The following PDE1A variants were observed in gnomAD, a reference collection of about 807,000 sequenced individuals.
The protein encoded by PDE1A is dual specificity calcium/calmodulin-dependent 3',5'-cyclic nucleotide phosphodiesterase 1A.
In PDE1A, 35 loss-of-function variants were observed where a neutral mutation model predicts 61.7. The ratio of observed to expected loss-of-function variants is 0.57; its 90% CI spans 0.43 to 0.75. PDE1A has a LOEUF of 0.75. PDE1A is among the 30% of genes least tolerant of loss of function. The pLI is 0.00. For synonymous variants in PDE1A, 232 were observed against 213.2 expected (o/e 1.09, Z -0.77); for missense variants, 597 against 630.6 (o/e 0.95, Z 0.57).
intron 1 of PDE1A, among the ~76,000 whole-genome samples, chr2:182,424,300 C>T (rs572462934): frequency 6.6e-6 from 1 of 152,178 alleles, no homozygotes; most frequent in Non-Finnish European, 1.5e-5. Context: ...AGCCAAGATA[C>T]TATTTTCATA....
At position 182,366,831 on chromosome 2, in the gene PDE1A, C is replaced by T. The variant is rs1273424779; in HGVS notation, c.53+59747G>A. ...TGTTTTGACTAGTGGGCTTGGCAGT[C>T]GTGGCTAATGTGGAACAATAAGAGC... is the stretch of plus-strand genomic sequence containing the variant. On this transcript the variant is annotated intron_variant, in intron 1 of 13. Transcript: ENST00000351439. Among the ~76,000 whole-genome samples, 6 of 152,018 alleles carry T rather than the reference C, an allele frequency of 3.9e-5. No individual in the cohort carries two copies. The East Asian group carries it at 7.7e-4, about 20-fold the overall frequency.
chr2:182,679,185 A>ATTT, the PDE1A span, among the ~76,000 whole-genome samples: 1,121 of 140,876 alleles, frequency 8.0e-3, 19 homozygotes, highest in African/African-American at 0.03. Flanking sequence ...TATTATTATT[A>ATTT]TTATTATTTT....
At chr2:182,642,127 T>C in the PDE1A span, among the ~76,000 whole-genome samples, 1 of 152,238 alleles carries the variant, frequency 6.6e-6, no homozygotes, top group Non-Finnish European at 1.5e-5. Flanking sequence ...TATGGAATCC[T>C]GCAAATTATT....
intron 13 of PDE1A, among the ~76,000 whole-genome samples, chr2:182,153,256 C>T (rs927910809): frequency 2.6e-5 from 4 of 152,136 alleles, no homozygotes; most frequent in African/African-American, 9.7e-5. Flanking sequence ...TCAGCTGGCT[C>T]CTTGAAAGAG....
chr2:182,715,929 A>T, the PDE1A span: 1 of 152,182 alleles, frequency 6.6e-6, no homozygotes, highest in Non-Finnish European at 1.5e-5. Context: ...AAAGACTCTC[A>T]GGGAACTCAA....
the PDE1A span, among the ~76,000 whole-genome samples, chr2:182,582,686 G>T: frequency 4.6e-5 from 7 of 152,140 alleles, no homozygotes; most frequent in African/African-American, 1.7e-4. Flanking sequence ...TGGGGCTAAG[G>T]TCTATATTAC....
chr2:182,618,862 T>G, the PDE1A span, among the ~76,000 whole-genome samples: 1 of 152,254 alleles, frequency 6.6e-6, no homozygotes, highest in East Asian at 1.9e-4. Flanking sequence ...ATGAATGTCC[T>G]ACAAAGAGAA....
chr2:182,288,700 C>A (rs185616390), intron 1 of PDE1A, among the ~76,000 whole-genome samples: 34 of 152,108 alleles, frequency 2.2e-4, no homozygotes, highest in African/African-American at 7.7e-4. Flanking sequence ...CCATGTCAGA[C>A]GTGTTATCCA....
intron 1 of PDE1A, among the ~76,000 whole-genome samples, chr2:182,286,056 A>G (rs1694139029): frequency 6.6e-6 from 1 of 152,174 alleles, no homozygotes; most frequent in Non-Finnish European, 1.5e-5. Context: ...GAAGTAATAT[A>G]TGTGAAGTGC....
the PDE1A span, among the ~76,000 whole-genome samples, chr2:182,624,370 A>G: frequency 1.3e-5 from 2 of 152,226 alleles, 1 homozygote; most frequent in South Asian, 4.1e-4. Context: ...AAGCCACCGC[A>G]TTTGTTAGCC....
intron 1 of PDE1A, among the ~76,000 whole-genome samples, chr2:182,386,261 C>T (rs540231809): frequency 7.2e-5 from 11 of 152,126 alleles, no homozygotes; most frequent in South Asian, 2.1e-4. Flanking sequence ...TCTGCCCAGC[C>T]GCCACCCCGT....
chr2:182,315,220 T>G (rs1459322153), intron 1 of PDE1A, among the ~76,000 whole-genome samples: 1 of 152,208 alleles, frequency 6.6e-6, no homozygotes, highest in Non-Finnish European at 1.5e-5. Context: ...TTTATATGCA[T>G]GTGGTCTCTC....
chr2:182,438,829 C>G (rs541710429), intron 2 of PDE1A, among the ~76,000 whole-genome samples: 50 of 152,084 alleles, frequency 3.3e-4, no homozygotes, highest in Admixed American at 3.9e-4. Context: ...GGGCTACTAT[C>G]AGAGAAATGA....
chr2:182,370,840 T>C (rs564179964), intron 1 of PDE1A, among the ~76,000 whole-genome samples: 108 of 152,284 alleles, frequency 7.1e-4, no homozygotes, highest in African/African-American at 2.4e-3. Flanking sequence ...TAGGAGTTCG[T>C]TGAATGCATT....
intron 2 of PDE1A, among the ~76,000 whole-genome samples, chr2:182,520,437 A>T (rs2125988490): frequency 6.6e-6 from 1 of 152,050 alleles, no homozygotes; most frequent in South Asian, 2.1e-4. Flanking sequence ...TAGTGGCTCT[A>T]AATAAACACA....
chr2:182,689,904 C>T, the PDE1A span, among the ~76,000 whole-genome samples: 1 of 152,172 alleles, frequency 6.6e-6, no homozygotes, highest in Non-Finnish European at 1.5e-5. Context: ...ATAAACACCT[C>T]TATGCAAATA....
chr2:182,563,177 T>C, the PDE1A span, among the ~76,000 whole-genome samples: 1 of 152,212 alleles, frequency 6.6e-6, no homozygotes, highest in African/African-American at 2.4e-5. Context: ...TTTCCTGCTT[T>C]CTCTTGTGGG....
intron 11 of PDE1A, among the ~76,000 whole-genome samples, chr2:182,187,691 T>C (rs1298818678): frequency 2.6e-5 from 4 of 151,902 alleles, no homozygotes; most frequent in African/African-American, 9.7e-5. Flanking sequence ...TCAGTGTTAA[T>C]TGACCACCTA....
intron 10 of PDE1A, 124 bp from the exon 11 acceptor site, chr2:182,189,184 ATT>A: frequency 1.7e-6 from 1 of 571,892 alleles, no homozygotes; most frequent in Middle Eastern, 3.0e-4. Flanking sequence ...CTTTTTTCTT[ATT>A]TATAAAACCA....
Sources: gnomAD v4.1 joint callset for allele counts (sites outside exome capture counted in the v4.1 genomes callset) on GRCh38, gnomAD v4.1.1 for gene constraint, MANE v1.5 for transcripts, NCBI Gene and HGNC (gene_info 2026-07-23, HGNC 2026-07-21) for gene names.